The following GALNT12 variants were observed in gnomAD, a reference collection of about 807,000 sequenced individuals.
GALNT12 encodes the protein polypeptide N-acetylgalactosaminyltransferase 12.
GALNT12 carries 45 observed loss-of-function variants against 55.5 expected under a neutral mutation model. That is an observed-to-expected ratio of 0.81 (90% CI 0.64 to 1.04). The LOEUF (loss-of-function observed/expected upper bound fraction) is 1.04, where lower values mean the gene tolerates loss of function less well. Among genes scored for constraint, GALNT12 ranks in the 50% least tolerant of loss-of-function variants. The pLI, the probability that GALNT12 is intolerant of heterozygous loss-of-function variation, is 0.00. For synonymous variants in GALNT12, 304 were observed against 312.2 expected (o/e 0.97, Z 0.28); for missense variants, 709 against 754.8 (o/e 0.94, Z 0.71).
chr9:98,809,347 G>A (rs1290681568), intron 1 of GALNT12, among the ~76,000 whole-genome samples: 1 of 152,206 alleles, frequency 6.6e-6, no homozygotes, highest in Admixed American at 6.5e-5. Flanking sequence ...GGGATTGATA[G>A]TAGTTCCTCC....
rs556219981 is a variant in GALNT12, at chr9:98,848,824, G to GGAA, written c.1606-125_1606-123dup. ...ACAGTCCTGAGTTGCTGCGTTACAC[G>GGAA]GAAGACACTTACCCCTCAATAAATA... On this transcript the variant is annotated intron_variant, in intron 9 of 9. Transcript: ENST00000375011. 3,490 of 1,097,776 alleles carry GGAA rather than the reference G, an allele frequency of 3.2e-3. 19 individuals are homozygous for GGAA. Among genetic ancestry groups the GGAA allele is most frequent in the Middle Eastern group, 9.2e-3 (44 of 4,764 alleles). 68.0% of individuals were successfully genotyped at this position (1,097,776 alleles called of 1,614,324 possible).
intron 2 of GALNT12, among the ~76,000 whole-genome samples, chr9:98,826,058 G>A (rs1343215366): frequency 1.3e-5 from 2 of 152,034 alleles, no homozygotes; most frequent in South Asian, 2.1e-4. Context: ...TGCTCTGGGC[G>A]GTAGTGTTAG....
chr9:98,829,007 T>G (rs1265208816), intron 3 of GALNT12, among the ~76,000 whole-genome samples: 1 of 151,876 alleles, frequency 6.6e-6, no homozygotes, highest in Non-Finnish European at 1.5e-5. Flanking sequence ...TTTTTGTATT[T>G]TTAGTAGGGA....
At chr9:98,817,487 G>A (rs994370384) in intron 1 of GALNT12, among the ~76,000 whole-genome samples, 1 of 151,802 alleles carries the variant, frequency 6.6e-6, no homozygotes, top group African/African-American at 2.4e-5. Context: ...TTTTGAGATG[G>A]AGTTTTGCTC....
Position 98,837,122 on chromosome 9 carries a change from T to C in GALNT12, c.1186T>C (p.Tyr396His). The change falls in exon 6 of 10, where the codon TAC becomes CAC. Residue 396 changes from tyrosine to histidine, a missense_variant. Tyr to His is a moderately conservative substitution (Grantham distance 83). Transcript: ENST00000375011. ...GATGGATGAATTTAAAGAGCTCTACTACCATCGCAACCCCCGTGCCCGCTT... is the reference window on the plus strand; with the variant it reads ...GATGGATGAATTTAAAGAGCTCTACCACCATCGCAACCCCCGTGCCCGCTT... ...VWMDEFKELY[Y>H]HRNPRARLEP... 13 of 1,614,138 alleles carry C rather than the reference T, an allele frequency of 8.1e-6. No homozygotes were observed. Among genetic ancestry groups the C allele is most frequent in the Non-Finnish European group, 1.1e-5 (13 of 1,180,000 alleles).
chr9:98,823,107 C>A, intron 1 of GALNT12, 149 bp from the exon 2 acceptor site: 1 of 750,848 alleles, frequency 1.3e-6, no homozygotes, highest in Non-Finnish European at 2.3e-6. Flanking sequence ...TGCTGGGGCT[C>A]CTAGTGCCAC....
At position 98,837,902 on chromosome 9, in the gene GALNT12, A is replaced by C. The variant is rs1324792840; in HGVS notation, c.1212+754A>C. Among the ~76,000 whole-genome samples, 3 of 152,220 alleles carry C rather than the reference A, an allele frequency of 2.0e-5. No individual in the cohort carries two copies. The East Asian group carries it at 5.8e-4, about 29-fold the overall frequency. On this transcript the variant is annotated intron_variant, in intron 6 of 9. Transcript: ENST00000375011. ...GATTTGGAGGTTACAAATCAATTTT[A>C]TTATAGCATGTAGGGAAATTCAGAT...
intron 3 of GALNT12, among the ~76,000 whole-genome samples, chr9:98,830,783 A>G (rs535492176): frequency 6.6e-6 from 1 of 152,324 alleles, no homozygotes; most frequent in East Asian, 1.9e-4. Flanking sequence ...GAACAGTGCA[A>G]TTTCCCGATA....
intron 7 of GALNT12, 57 bp from the exon 8 acceptor site, chr9:98,844,039 G>A (rs1836356172): frequency 2.5e-6 from 3 of 1,183,984 alleles, no homozygotes; most frequent in Admixed American, 1.7e-5. Context: ...AGCCTTGTGT[G>A]GCATCTGTTA....
intron 4 of GALNT12, among the ~76,000 whole-genome samples, chr9:98,833,747 G>GCTCAATCCCTCA (rs1836062285): frequency 6.6e-6 from 1 of 152,076 alleles, no homozygotes; most frequent in African/African-American, 2.4e-5. Flanking sequence ...TCACTGAATA[G>GCTCAATCCCTCA]GTTTGGAAAC....
intron 8 of GALNT12, among the ~76,000 whole-genome samples, 176 bp from the exon 9 acceptor site, chr9:98,845,801 C>T (rs756222431): frequency 1.1e-4 from 16 of 152,152 alleles, no homozygotes; most frequent in South Asian, 2.1e-4. Context: ...ACTGCAGTAG[C>T]GGTTCACTGA....
chr9:98,818,050 T>C (rs973855438), intron 1 of GALNT12, among the ~76,000 whole-genome samples: 3 of 152,222 alleles, frequency 2.0e-5, no homozygotes, highest in Non-Finnish European at 2.9e-5. Flanking sequence ...TCTTTCTGTA[T>C]GTCTACTATA....
At chr9:98,835,698 T>C (rs1289522104) in intron 5 of GALNT12, among the ~76,000 whole-genome samples, 1 of 152,178 alleles carries the variant, frequency 6.6e-6, no homozygotes, top group Non-Finnish European at 1.5e-5. Flanking sequence ...GCCTCTTTAT[T>C]TAGCACAGTG....
At chr9:98,812,792 T>C (rs535219855) in intron 1 of GALNT12, among the ~76,000 whole-genome samples, 24 of 152,334 alleles carry the variant, frequency 1.6e-4, no homozygotes, top group Middle Eastern at 3.4e-3. Context: ...TCATTCCATT[T>C]TTTTCCTCTC....
At chr9:98,809,861 T>A (rs1835457093) in intron 1 of GALNT12, among the ~76,000 whole-genome samples, 1 of 152,212 alleles carries the variant, frequency 6.6e-6, no homozygotes. Flanking sequence ...GTCTCCATGG[T>A]GACGCAGCTG....
chr9:98,847,811 CTTTT>C lies in GALNT12; in HGVS notation c.1606-1122_1606-1119del, dbSNP rs754967420. On this transcript the variant is annotated intron_variant, in intron 9 of 9. Coordinates refer to ENST00000375011, the MANE Select transcript of GALNT12 (RefSeq NM_024642.5). ...GAAAGCTTAGTTCTTAGGGCTGGAT[CTTTT>C]TTTTTTTTTTTTTTTTTTGAGACGG... Among the ~76,000 whole-genome samples the C allele has an allele frequency of 4.1e-5, 5 of 123,064 alleles. No homozygotes were observed. In the South Asian group the frequency reaches 1.1e-3, roughly 26 times the overall value. The allele number at this position is 123,064 out of a possible 152,430, so 80.7% of individuals were successfully genotyped here.
At chr9:98,845,928 C>A (rs778940636) in intron 8 of GALNT12, 49 bp from the exon 9 acceptor site, 6 of 1,602,810 alleles carry the variant, frequency 3.7e-6, no homozygotes, top group Non-Finnish European at 5.1e-6. Context: ...TTTCCTCTTC[C>A]CACATCAGTG....
intron 1 of GALNT12, 44 bp downstream of exon 1, chr9:98,808,113 G>A (rs757161212): frequency 6.0e-6 from 9 of 1,489,670 alleles, no homozygotes; most frequent in Non-Finnish European, 8.2e-6. Context: ...TCAGAGCCCC[G>A]GGCCTCAGTT....
rs187142407 is a variant in GALNT12 at position 98,814,197 on chromosome 9, T to C, written c.371+6128T>C. 1.4e-3 allele frequency among the ~76,000 whole-genome samples: 219 copies of C among 152,226 alleles called. 1 individual carries two copies. Among genetic ancestry groups the C allele is most frequent in the African/African-American group, 4.9e-3 (205 of 41,530 alleles). ...GTGTGTATATGCATGTGCTTGTGTA[T>C]GTTCAGCCCTCCACAAACCACATAG... On this transcript the variant is annotated intron_variant, in intron 1 of 9. Coordinates refer to ENST00000375011, the MANE Select transcript of GALNT12 (RefSeq NM_024642.5).
Sources: allele counts gnomAD v4.1 joint callset (sites outside exome capture counted in the v4.1 genomes callset), GRCh38; gene constraint gnomAD v4.1.1; transcripts MANE v1.5; gene names NCBI Gene and HGNC (gene_info 2026-07-23, HGNC 2026-07-21).